EPB41L2: variants seen among roughly 807,000 people sequenced by gnomAD.
The protein encoded by EPB41L2 is band 4.1-like protein 2.
EPB41L2 carries 43 observed loss-of-function variants against 113.0 expected under a neutral mutation model. That is an observed-to-expected ratio of 0.38 (90% CI 0.30 to 0.49). The LOEUF is 0.49. EPB41L2 is among the 20% of genes least tolerant of loss of function. The pLI is 0.95. For synonymous variants in EPB41L2, 442 were observed against 436.7 expected (o/e 1.01, Z -0.15); for missense variants, 1,147 against 1,223.4 (o/e 0.94, Z 0.93).
intron 11 of EPB41L2, among the ~76,000 whole-genome samples, chr6:130,889,421 C>T (rs570724083): frequency 6.6e-6 from 1 of 151,976 alleles, no homozygotes; most frequent in Non-Finnish European, 1.5e-5. Flanking sequence ...TTATATAAAA[C>T]TACAAAATGT....
At chr6:130,933,060 A>G (rs1807460227) in intron 3 of EPB41L2, among the ~76,000 whole-genome samples, 1 of 152,176 alleles carries the variant, frequency 6.6e-6, no homozygotes, top group Admixed American at 6.5e-5. Context: ...TTCCAAATAC[A>G]TTTTGGGAAC....
intron 1 of EPB41L2, among the ~76,000 whole-genome samples, chr6:130,960,016 G>C (rs1046660938): frequency 6.6e-6 from 1 of 152,112 alleles, no homozygotes; most frequent in Non-Finnish European, 1.5e-5. Context: ...TAATCATAAG[G>C]GTTTCCACTC....
At chr6:130,849,840 T>C (rs944357175) in intron 19 of EPB41L2, among the ~76,000 whole-genome samples, 39 of 152,168 alleles carry the variant, frequency 2.6e-4, no homozygotes, top group African/African-American at 8.9e-4. Context: ...TAATAATGTT[T>C]AGTTGTTGCC....
intron 4 of EPB41L2, among the ~76,000 whole-genome samples, chr6:130,913,586 TCTC>T (rs1800077230): frequency 6.6e-6 from 1 of 152,186 alleles, no homozygotes; most frequent in African/African-American, 2.4e-5. Context: ...GCCTCCTTCC[TCTC>T]CACGCTGTGA....
intron 12 of EPB41L2, chr6:130,882,481 T>C (rs931089654): frequency 6.5e-6 from 1 of 152,686 alleles, no homozygotes; most frequent in African/African-American, 2.4e-5. Context: ...AAGTGTATTG[T>C]GTTGACTCCA....
At chr6:130,857,568 T>C (rs1258514616) in intron 19 of EPB41L2, among the ~76,000 whole-genome samples, 1 of 141,648 alleles carries the variant, frequency 7.1e-6, no homozygotes, top group Non-Finnish European at 1.5e-5. Flanking sequence ...TTTTTTTTTT[T>C]TTTTTTTGAG....
intron 12 of EPB41L2, among the ~76,000 whole-genome samples, chr6:130,883,517 ACCC>A (rs1789955872): frequency 2.0e-5 from 3 of 152,246 alleles, no homozygotes; most frequent in Admixed American, 6.5e-5. Context: ...ATGCCAGTGT[ACCC>A]AGTTGTTCAC....
chr6:130,919,400 C>T (rs922787808), intron 4 of EPB41L2, among the ~76,000 whole-genome samples: 12 of 152,320 alleles, frequency 7.9e-5, no homozygotes, highest in Admixed American at 7.2e-4. Flanking sequence ...TTCACAGCCA[C>T]ACCCTGGGTC....
intron 17 of EPB41L2, among the ~76,000 whole-genome samples, chr6:130,864,247 G>A (rs1783017778): frequency 6.6e-6 from 1 of 152,194 alleles, no homozygotes; most frequent in Admixed American, 6.5e-5. Context: ...ATGATGTGAT[G>A]GTTTTGACTG....
chr6:130,945,437 A>G (rs1026424076), intron 3 of EPB41L2, among the ~76,000 whole-genome samples: 2 of 152,220 alleles, frequency 1.3e-5, no homozygotes, highest in African/African-American at 4.8e-5. Flanking sequence ...CTTATTCATA[A>G]CTAAGAAAAA....
chr6:130,870,853 T>G (rs1785400264), intron 14 of EPB41L2, among the ~76,000 whole-genome samples: 1 of 151,856 alleles, frequency 6.6e-6, no homozygotes, highest in Non-Finnish European at 1.5e-5. Flanking sequence ...ATTGGCAAAA[T>G]TATAGTTAGC....
At chr6:131,057,880 T>C (rs1261291563) in intron 1 of EPB41L2, among the ~76,000 whole-genome samples, 1 of 152,170 alleles carries the variant, frequency 6.6e-6, no homozygotes, top group African/African-American at 2.4e-5. Context: ...CAAAACCACT[T>C]TGGGAGCCTT....
chr6:131,007,265 G>C (rs1032447629), intron 1 of EPB41L2, among the ~76,000 whole-genome samples: 8 of 152,076 alleles, frequency 5.3e-5, no homozygotes, highest in African/African-American at 1.9e-4. Flanking sequence ...GTTTTATAAG[G>C]GGCTTCCCCC....
At chr6:130,872,293 G>T in intron 14 of EPB41L2, 1 of 1,119,260 alleles carries the variant, frequency 8.9e-7, no homozygotes, top group Non-Finnish European at 1.1e-6. Flanking sequence ...TGGAGGGAAT[G>T]GTGCCTGAAT....
chr6:130,932,086 A>G (rs1807087527), intron 3 of EPB41L2, among the ~76,000 whole-genome samples: 1 of 152,186 alleles, frequency 6.6e-6, no homozygotes. Flanking sequence ...GACCTTTTTG[A>G]GCTGCTCTAA....
At chr6:130,987,986 C>T (rs1780970761) in intron 1 of EPB41L2, among the ~76,000 whole-genome samples, 1 of 151,582 alleles carries the variant, frequency 6.6e-6, no homozygotes, top group South Asian at 2.1e-4. Flanking sequence ...GTTGGTGGTA[C>T]ATGCCTGTGG....
chr6:130,934,632 C>A (rs1808128071), intron 3 of EPB41L2, among the ~76,000 whole-genome samples: 1 of 151,938 alleles, frequency 6.6e-6, no homozygotes, highest in Non-Finnish European at 1.5e-5. Flanking sequence ...GCCACCATGC[C>A]TGGCTAATTT....
At chr6:130,993,308 G>C (rs193254734) in intron 1 of EPB41L2, among the ~76,000 whole-genome samples, 43 of 152,118 alleles carry the variant, frequency 2.8e-4, no homozygotes, top group Admixed American at 1.4e-3. Flanking sequence ...ATGAAATGAG[G>C]CTTCCTTGTC....
chr6:130,959,041 C>G (rs1818467899), intron 1 of EPB41L2, among the ~76,000 whole-genome samples: 1 of 152,088 alleles, frequency 6.6e-6, no homozygotes, highest in Admixed American at 6.5e-5. Context: ...ACAGCAGAAA[C>G]AGTAGGGTAA....
Sources: gnomAD v4.1 joint callset for allele counts (sites outside exome capture counted in the v4.1 genomes callset) on GRCh38, gnomAD v4.1.1 for gene constraint, MANE v1.5 for transcripts, NCBI Gene and HGNC (gene_info 2026-07-23, HGNC 2026-07-21) for gene names.